Variants in LRP2 observed in about 807,000 individuals in gnomAD.
The protein encoded by LRP2 is low-density lipoprotein receptor-related protein 2.
A neutral mutation model predicts 531.0 loss-of-function variants in LRP2; 172 were observed. That is an observed-to-expected ratio of 0.32 (90% confidence interval 0.29 to 0.37). The LOEUF is 0.37. Among genes scored for constraint, LRP2 ranks in the 10% least tolerant of loss-of-function variants. LRP2 has a pLI of 1.00. For missense variants in LRP2, 5,167 were observed against 5,868.3 expected (o/e 0.88, Z 3.90); for synonymous variants, 1,992 against 2,027.6 (o/e 0.98, Z 0.47).
intron 1 of LRP2, among the ~76,000 whole-genome samples, chr2:169,336,832 T>C (rs1227205166): frequency 6.6e-6 from 1 of 152,026 alleles, no homozygotes; most frequent in African/African-American, 2.4e-5. Flanking sequence ...AACTATCCCA[T>C]CTCCTTCCAG....
chr2:169,332,796 A>G (rs1406042405), intron 1 of LRP2, among the ~76,000 whole-genome samples: 1 of 152,230 alleles, frequency 6.6e-6, no homozygotes, highest in Non-Finnish European at 1.5e-5. Flanking sequence ...CCAATGCTTC[A>G]ACATCAATAA....
At chr2:169,203,272 C>A (rs1688262591) in intron 42 of LRP2, among the ~76,000 whole-genome samples, 1 of 152,166 alleles carries the variant, frequency 6.6e-6, no homozygotes, top group Non-Finnish European at 1.5e-5. Flanking sequence ...TTATAAAATG[C>A]ACAATGAAGC....
Position 169,270,983 on chromosome 2 carries a change from A to G in LRP2, c.2241T>C (p.Asp747=), listed in dbSNP as rs377285844. 2.5e-6 allele frequency: 4 copies of G among 1,613,310 alleles called. No homozygotes were observed. The African/African-American group carries it at 4.0e-5, about 16-fold the overall frequency. ...AGATAGTGCTGTCCTGGGCGTCAAA[A>G]TCAATCCCGACAAAGAAAGAAGGAT... ...SGNPSFFVGI[D]FDAQDSTIFF... Residue 747 remains aspartate, a synonymous_variant, in exon 16 of 79, where the codon GAT becomes GAC. Coordinates refer to ENST00000649046, the MANE Select transcript of LRP2 (RefSeq NM_004525.3).
Position 169,247,386 on chromosome 2 carries a change from A to G in LRP2, c.2900T>C (p.Ile967Thr). The part of the protein sequence containing the change: ...ILHLKSYDVN[I>T]QTGSNACNQP... The stretch of plus-strand genomic sequence containing the variant: ...TGGGCAATCTCACTCACCAGTCTGG[A>G]TGTTGACATCATACGATTTCAAATG... The change falls in exon 20 of 79, where the codon ATC (isoleucine) becomes ACC (threonine). Residue 967 changes from isoleucine to threonine, a missense_variant. Physicochemically the swap from Ile to Thr is moderately conservative, Grantham distance 89. This residue lies in a region of LRP2 where 2,811 missense variants were observed against 3,058.0 expected (regional missense o/e 0.92). Coordinates refer to ENST00000649046, the MANE Select transcript of LRP2 (RefSeq NM_004525.3). The G allele has an allele frequency of 6.2e-7, 1 of 1,614,154 alleles. No homozygotes were observed.
At position 169,185,592 on chromosome 2, in the gene LRP2, C is replaced by G. The variant is rs2105301504; in HGVS notation, c.9756G>C (p.Glu3252Asp). 1 of 1,614,098 alleles carries G rather than the reference C, an allele frequency of 6.2e-7. No homozygotes were observed. The highest frequency in any genetic ancestry group is 2.2e-5 in the East Asian group (1 of 44,880). ...YWIDTQRQVIERMFLNKTNKE... is the reference protein window; with the variant it reads ...YWIDTQRQVIDRMFLNKTNKE... ...TGTTTGTCTTATTCAGAAACATTCT[C>G]TCAATGACTTGCCTCTGTGTATCAA... The change falls in exon 50 of 79, where the codon GAG becomes GAC. Residue 3252 changes from glutamate to aspartate, a missense_variant. Glu to Asp is a conservative substitution (Grantham distance 45). Coordinates refer to ENST00000649046, the MANE Select transcript of LRP2 (RefSeq NM_004525.3).
In LRP2 at chr2:169,313,817, C is replaced by G. The variant is rs564565222; in HGVS notation, c.310+4945G>C. Among the ~76,000 whole-genome samples, 301 of 152,296 alleles carry G rather than the reference C, an allele frequency of 2.0e-3. 1 individual carries two copies. The highest frequency in any genetic ancestry group is 6.9e-3 in the African/African-American group (286 of 41,562). ...ACTGGAGCTGTTCCTATTCGGCCAT[C>G]TTGGAACCTCCCTCCTCTCCCAAAG... On this transcript the variant is annotated intron_variant, in intron 3 of 78. Coordinates refer to ENST00000649046, the MANE Select transcript of LRP2 (RefSeq NM_004525.3).
Position 169,271,027 on chromosome 2 carries a change from T to C in LRP2, c.2197A>G (p.Met733Val), listed in dbSNP as rs767178107. The C allele has an allele frequency of 1.2e-6, 2 of 1,613,214 alleles. No individual in the cohort carries two copies. The highest frequency in any genetic ancestry group is 2.2e-5 in the East Asian group (1 of 44,824). Reference sequence around the variant, plus strand: ...GAAGGATTCCCCGAAACTGGAACCATGACATCTTCCTGGGTAGACAAGGTG... The same window carrying C: ...GAAGGATTCCCCGAAACTGGAACCACGACATCTTCCTGGGTAGACAAGGTG... Reference protein sequence around the residue: ...PFTLSTQEDVMVPVSGNPSFF... With the variant: ...PFTLSTQEDVVVPVSGNPSFF... Residue 733 changes from methionine (M) to valine (V), a missense_variant, in exon 16 of 79, where the codon ATG (methionine) becomes GTG (valine). Met to Val is a conservative substitution (Grantham distance 21). Coordinates refer to ENST00000649046, the MANE Select transcript of LRP2 (RefSeq NM_004525.3).
In LRP2 at chr2:169,294,580, A is replaced by G. The variant is rs201212768; in HGVS notation, c.538+20T>C. 5 of 1,544,640 alleles carry G rather than the reference A, an allele frequency of 3.2e-6. No homozygotes were observed. In the African/African-American group the frequency reaches 6.8e-5, roughly 21 times the overall value. ...AACCAGCTTCAGCACACAACTGCAC[A>G]TCTTGTGCACAATACTTACTGCAGT... On this transcript the variant is annotated intron_variant, in intron 5 of 78. Coordinates refer to ENST00000649046, the MANE Select transcript of LRP2 (RefSeq NM_004525.3).
chr2:169,246,645 T>C, intron 21 of LRP2, 60 bp downstream of exon 21: 1 of 1,583,562 alleles, frequency 6.3e-7, no homozygotes, highest in Non-Finnish European at 8.7e-7. Context: ...ATTTATTTTC[T>C]TTAAAGCCCA....
At chr2:169,176,955 T>C (rs1313777596) in intron 53 of LRP2, among the ~76,000 whole-genome samples, 1 of 152,188 alleles carries the variant, frequency 6.6e-6, no homozygotes, top group Non-Finnish European at 1.5e-5. Context: ...CATTCCCTCA[T>C]TCTAAGTATA....
At chr2:169,267,171 A>G (rs1683233709) in intron 16 of LRP2, among the ~76,000 whole-genome samples, 2 of 152,014 alleles carry the variant, frequency 1.3e-5, no homozygotes, top group African/African-American at 4.8e-5. Flanking sequence ...TTTCTAAAAT[A>G]AAGGAAAGGT....
Position 169,201,803 on chromosome 2 carries a change from G to A in LRP2, c.8277C>T (p.Arg2759=), listed in dbSNP as rs546544412. ...ANGRCVQYSY[R]CDYYNDCGDG... The stretch of plus-strand genomic sequence containing the variant: ...CACCACAGTCATTGTAGTAATCACA[G>A]CGGTAAGAGTATTGGACACATCGCC... The change falls in exon 44 of 79, where the codon CGC becomes CGT. Residue 2759 remains arginine, a synonymous_variant. Transcript: ENST00000649046. The A allele has an allele frequency of 9.3e-5, 150 of 1,614,090 alleles. No homozygotes were observed. The highest frequency in any genetic ancestry group is 1.2e-4 in the Non-Finnish European group (142 of 1,180,046).
intron 31 of LRP2, among the ~76,000 whole-genome samples, chr2:169,228,064 A>G (rs889378654): frequency 7.2e-5 from 11 of 152,200 alleles, no homozygotes; most frequent in Non-Finnish European, 1.6e-4. Context: ...GCCATACTGC[A>G]TGCATCAGGT....
intron 1 of LRP2, among the ~76,000 whole-genome samples, chr2:169,321,731 A>C (rs1407373995): frequency 1.3e-5 from 2 of 152,178 alleles, no homozygotes; most frequent in African/African-American, 2.4e-5. Flanking sequence ...TTTTTAAACC[A>C]AAGAGCCAAA....
rs1382818321 is a variant in LRP2, at chr2:169,132,599, G to C, written c.13703C>G (p.Thr4568Ser). The C allele has an allele frequency of 8.1e-6, 13 of 1,608,610 alleles. No individual in the cohort carries two copies. Among genetic ancestry groups the C allele is most frequent in the Non-Finnish European group, 1.1e-5 (13 of 1,174,968 alleles). ...CTGAGTTCCATCAGCAGCTGGTGAAGTTGGGTTTGTCTCTGGAACTATCTC... is the reference window on the plus strand; with the variant it reads ...CTGAGTTCCATCAGCAGCTGGTGAACTTGGGTTTGTCTCTGGAACTATCTC... Reference protein sequence around the residue: ...PSEIVPETNPTSPAADGTQVT... With the variant: ...PSEIVPETNPSSPAADGTQVT... The change falls in exon 77 of 79, where the codon ACT (threonine) becomes AGT (serine). Residue 4568 changes from threonine (T) to serine (S), a missense_variant. Thr to Ser is a moderately conservative substitution (Grantham distance 58, BLOSUM62 1). Coordinates refer to ENST00000649046, the MANE Select transcript of LRP2 (RefSeq NM_004525.3).
chr2:169,312,657 T>C (rs767075920), intron 3 of LRP2, among the ~76,000 whole-genome samples: 16 of 152,230 alleles, frequency 1.1e-4, no homozygotes, highest in Admixed American at 3.9e-4. Context: ...ATTTAAACTT[T>C]GGTGAATCTG....
chr2:169,201,861 G>C lies in LRP2; in HGVS notation c.8219C>G (p.Thr2740Ser). ...ACAGGTGAAGGCTGTCGGTGAGCAG[G>C]TGTGAAGTGCTAAGAACAGGAAAAA... ...DEMESVCALHTCSPTAFTCAN... is the reference protein window; with the variant it reads ...DEMESVCALHSCSPTAFTCAN... The change falls in exon 44 of 79, where the codon ACC (threonine) becomes AGC (serine). Residue 2740 changes from threonine to serine, a missense_variant. Around this residue, in one of 6 missense-constraint regions of LRP2, gnomAD observed 1,129 missense variants for 1,362.7 expected, o/e 0.83. Coordinates refer to ENST00000649046, the MANE Select transcript of LRP2 (RefSeq NM_004525.3). 9.9e-6 allele frequency: 16 copies of C among 1,614,114 alleles called. No individual in the cohort carries two copies. Among genetic ancestry groups the C allele is most frequent in the Non-Finnish European group, 1.4e-5 (16 of 1,180,010 alleles).
intron 3 of LRP2, among the ~76,000 whole-genome samples, chr2:169,309,766 C>T (rs1457728412): frequency 3.3e-5 from 5 of 152,146 alleles, no homozygotes; most frequent in African/African-American, 4.8e-5. Context: ...TGAAGAAAGT[C>T]ATTGGTAGCT....
rs1688955625 is a variant in LRP2, at chr2:169,220,568, A to C, written c.5539-5T>G. 6.3e-7 allele frequency: 1 copy of C among 1,592,542 alleles called. No individual in the cohort carries two copies. The highest frequency in any genetic ancestry group is 1.3e-5 in the African/African-American group (1 of 74,606). On this transcript the variant is annotated splice_polypyrimidine_tract_variant and splice_region_variant and intron_variant, in intron 33 of 78. Coordinates refer to ENST00000649046, the MANE Select transcript of LRP2 (RefSeq NM_004525.3). Reference sequence around the variant, plus strand: ...ATCTCCGTGGAGTGTCAAAACCTATAGCATAAAATCACTTATTAGAACTGA... The same window carrying C: ...ATCTCCGTGGAGTGTCAAAACCTATCGCATAAAATCACTTATTAGAACTGA...
Sources: gnomAD v4.1 joint callset for allele counts (sites outside exome capture counted in the v4.1 genomes callset) on GRCh38, gnomAD v4.1.1 for gene constraint, gnomAD v4.1.1 regional missense constraint, MANE v1.5 for transcripts, NCBI Gene and HGNC (gene_info 2026-07-23, HGNC 2026-07-21) for gene names.